XKR9: variants seen among roughly 807,000 people sequenced by gnomAD.
XKR9 encodes XK related 9, also known as XK-related protein 9.
In XKR9, 32 loss-of-function variants were observed where a neutral mutation model predicts 32.0. The observed-to-expected ratio is 1.00, with a 90% confidence interval of 0.76 to 1.34. The LOEUF (loss-of-function observed/expected upper bound fraction) is 1.34, where lower values mean the gene tolerates loss of function less well. Ranked by LOEUF, XKR9 falls within the 40% of genes most tolerant of loss-of-function variation. The pLI, the probability that XKR9 is intolerant of heterozygous loss-of-function variation, is 0.00. For synonymous variants in XKR9, 168 were observed against 143.4 expected (o/e 1.17, Z -1.22); for missense variants, 546 against 429.7 (o/e 1.27, Z -2.39).
the XKR9 span, among the ~76,000 whole-genome samples, chr8:70,994,517 A>G: frequency 6.6e-6 from 1 of 151,778 alleles, no homozygotes; most frequent in Non-Finnish European, 1.5e-5. Context: ...TAAATTTTTA[A>G]CCTCTGGCTT....
At chr8:70,830,940 C>T in the XKR9 span, among the ~76,000 whole-genome samples, 2 of 152,264 alleles carry the variant, frequency 1.3e-5, no homozygotes, top group African/African-American at 4.8e-5. Flanking sequence ...ACTCACTGTA[C>T]TACCTAGTCT....
the XKR9 span, among the ~76,000 whole-genome samples, chr8:70,935,140 TAC>T: frequency 9.4e-3 from 1,378 of 146,762 alleles, 22 homozygotes; most frequent in African/African-American, 0.033. Context: ...CACATATATA[TAC>T]ACATATATAC....
chr8:70,863,059 G>T, the XKR9 span, among the ~76,000 whole-genome samples: 4 of 152,154 alleles, frequency 2.6e-5, no homozygotes, highest in African/African-American at 9.7e-5. Context: ...TAGCAAGAAG[G>T]AGTTTGGTGA....
intron 4 of XKR9, among the ~76,000 whole-genome samples, chr8:70,717,618 C>T (rs1410701354): frequency 6.6e-6 from 1 of 152,112 alleles, no homozygotes; most frequent in Non-Finnish European, 1.5e-5. Flanking sequence ...GCTCCTGGGT[C>T]CAGCCTACAA....
intron 2 of XKR9, among the ~76,000 whole-genome samples, chr8:70,751,621 C>T (rs1563467928): frequency 2.0e-5 from 3 of 152,106 alleles, no homozygotes; most frequent in East Asian, 3.9e-4. Flanking sequence ...CTGGATGGAA[C>T]AAAAAGGCAG....
intron 2 of XKR9, among the ~76,000 whole-genome samples, chr8:70,774,144 C>G (rs1330107947): frequency 6.6e-6 from 1 of 152,124 alleles, no homozygotes; most frequent in Admixed American, 6.6e-5. Flanking sequence ...TTGGCAGTGT[C>G]TGTCATATAC....
At chr8:70,861,684 G>A in the XKR9 span, among the ~76,000 whole-genome samples, 1 of 151,894 alleles carries the variant, frequency 6.6e-6, no homozygotes, top group Non-Finnish European at 1.5e-5. Flanking sequence ...GTAAAATAAA[G>A]CTGTTGTGAG....
At chr8:70,904,462 T>C in the XKR9 span, among the ~76,000 whole-genome samples, 1 of 152,184 alleles carries the variant, frequency 6.6e-6, no homozygotes, top group African/African-American at 2.4e-5. Flanking sequence ...TGCTTTCCAT[T>C]TGCTTGGAAA....
chr8:71,014,606 A>G, the XKR9 span, among the ~76,000 whole-genome samples: 10 of 152,178 alleles, frequency 6.6e-5, no homozygotes, highest in Non-Finnish European at 1.0e-4. Context: ...TCATCTCAAG[A>G]TCCTTAACTT....
the XKR9 span, among the ~76,000 whole-genome samples, chr8:70,993,601 T>TCCTTCCTTC: frequency 2.4e-3 from 251 of 105,202 alleles, 7 homozygotes; most frequent in African/African-American, 4.8e-3. Context: ...TCATAGGACA[T>TCCTTCCTTC]CTTCCTTCCT....
the XKR9 span, among the ~76,000 whole-genome samples, chr8:70,975,754 A>G: frequency 4.6e-5 from 7 of 152,162 alleles, no homozygotes; most frequent in East Asian, 1.9e-4. Context: ...TGAACTTTAA[A>G]GTAGTTTTTT....
At chr8:70,988,798 C>T in the XKR9 span, among the ~76,000 whole-genome samples, 1 of 152,192 alleles carries the variant, frequency 6.6e-6, no homozygotes, top group Non-Finnish European at 1.5e-5. Flanking sequence ...TGCTGAATCT[C>T]TATACCAATA....
At chr8:70,693,769 G>C (rs1267349174) in intron 3 of XKR9, among the ~76,000 whole-genome samples, 3 of 152,190 alleles carry the variant, frequency 2.0e-5, no homozygotes, top group Non-Finnish European at 4.4e-5. Context: ...GGGACTTGTG[G>C]GAAATTGGTT....
At position 70,734,145 on chromosome 8, in the gene XKR9, G is replaced by C; in HGVS notation, c.843G>C (p.Gln281His). The change falls in exon 5 of 5, where the codon CAG (glutamine) becomes CAC (histidine). Residue 281 changes from glutamine to histidine, a missense_variant. Coordinates refer to ENST00000408926, the MANE Select transcript of XKR9 (RefSeq NM_001011720.2). ...TTACATTTTTTAATATTAAGGGACA[G>C]AATACCAAGTGTCCAATGTCTTGTT... ...LIFTFFNIKG[Q>H]NTKCPMSCYY... The C allele has an allele frequency of 6.2e-7, 1 of 1,612,172 alleles. No individual in the cohort carries two copies. The highest frequency in any genetic ancestry group is 8.5e-7 in the Non-Finnish European group (1 of 1,178,598).
chr8:71,039,473 CTGTATGAGT>C, the XKR9 span, among the ~76,000 whole-genome samples: 1 of 152,056 alleles, frequency 6.6e-6, no homozygotes, highest in Non-Finnish European at 1.5e-5. Context: ...AACAAAATGG[CTGTATGAGT>C]TCTTAAGTAT....
At chr8:71,049,523 A>G in the XKR9 span, among the ~76,000 whole-genome samples, 4 of 152,228 alleles carry the variant, frequency 2.6e-5, no homozygotes, top group African/African-American at 9.6e-5. Context: ...AGTGATCCCA[A>G]CACAGAGGAA....
At chr8:70,853,698 C>A in the XKR9 span, among the ~76,000 whole-genome samples, 1 of 152,086 alleles carries the variant, frequency 6.6e-6, no homozygotes, top group East Asian at 1.9e-4. Flanking sequence ...CCACAACAGG[C>A]CCTGGTGTGT....
intron 2 of XKR9, among the ~76,000 whole-genome samples, chr8:70,787,850 G>A (rs1807708951): frequency 6.6e-6 from 1 of 151,904 alleles, no homozygotes; most frequent in Non-Finnish European, 1.5e-5. Context: ...ATGATTTTTA[G>A]TGAAAGGATT....
chr8:71,001,320 A>C, the XKR9 span, among the ~76,000 whole-genome samples: 2 of 151,652 alleles, frequency 1.3e-5, no homozygotes, highest in Non-Finnish European at 3.0e-5. Flanking sequence ...GGAGTACAGC[A>C]GCACCATCAC....
Sources: gnomAD v4.1 joint callset for allele counts (sites outside exome capture counted in the v4.1 genomes callset) on GRCh38, gnomAD v4.1.1 for gene constraint, MANE v1.5 for transcripts, NCBI Gene and HGNC (gene_info 2026-07-23, HGNC 2026-07-21) for gene names.